The following CP variants were observed in gnomAD, a reference collection of about 807,000 sequenced individuals.
The protein encoded by CP is ceruloplasmin.
CP carries 64 observed loss-of-function variants against 122.4 expected under a neutral mutation model. The observed-to-expected ratio is 0.52, with a 90% CI of 0.43 to 0.64. CP has a LOEUF of 0.64. Among genes scored for constraint, CP ranks in the 30% least tolerant of loss-of-function variants. The pLI, the probability that CP is intolerant of heterozygous loss-of-function variation, is 0.00. For synonymous variants in CP, 440 were observed against 436.4 expected, an observed-to-expected ratio of 1.01 and a Z score of -0.10; for missense variants, 1,167 against 1,284.4, an observed-to-expected ratio of 0.91 and a Z score of 1.40.
chr3:149,199,562 GTTTA>G (rs1180446988), intron 8 of CP, 146 bp downstream of exon 8: 5 of 933,116 alleles, frequency 5.4e-6, no homozygotes, highest in South Asian at 1.4e-5. Flanking sequence ...AGGAGAAGGG[GTTTA>G]TTTGTTTCCT....
chr3:149,164,418 G>T (rs1399317660), intron 5 of CP, among the ~76,000 whole-genome samples: 1 of 152,172 alleles, frequency 6.6e-6, no homozygotes, highest in Non-Finnish European at 1.5e-5. Context: ...TCAGAAATGA[G>T]GGGGATGATT....
intron 8 of CP, among the ~76,000 whole-genome samples, chr3:149,198,839 G>A (rs538162559): frequency 1.3e-5 from 2 of 152,298 alleles, no homozygotes; most frequent in African/African-American, 4.8e-5. Context: ...CACCTTTCAT[G>A]TTGTATTGCG....
Position 149,213,414 on chromosome 3 carries a change from T to C in CP, c.147-716A>G, listed in dbSNP as rs1176705300. Among the ~76,000 whole-genome samples the C allele has an allele frequency of 2.0e-5, 3 of 152,218 alleles. No homozygotes were observed. The South Asian group carries it at 6.2e-4, about 32-fold the overall frequency. ...TTCTTTAAAATATCAGTGAGGTAAATAGCAATCTGGAAAAGAAAAGATGGA... is the reference window on the plus strand; with the variant it reads ...TTCTTTAAAATATCAGTGAGGTAAACAGCAATCTGGAAAAGAAAAGATGGA... On this transcript the variant is annotated intron_variant, in intron 1 of 18. Transcript: ENST00000264613.
At position 149,192,340 on chromosome 3, in the gene CP, T is replaced by C. The variant is rs554604829; in HGVS notation, c.1714-4138A>G. Among the ~76,000 whole-genome samples the C allele has an allele frequency of 1.8e-3, 269 of 152,174 alleles. 1 individual carries two copies. The highest frequency in any genetic ancestry group is 6.3e-3 in the African/African-American group (261 of 41,570). ...TATAATGCTCAGATAATCTAATAGT[T>C]GTTTAGAAAAGATAAAACTTAGAGC... is the stretch of plus-strand genomic sequence containing the variant. On this transcript the variant is annotated intron_variant, in intron 9 of 18. Transcript: ENST00000264613.
downstream of CP, chr3:149,172,040 A>AGATT (rs1020321309): frequency 1.9e-6 from 3 of 1,576,474 alleles, no homozygotes; most frequent in Non-Finnish European, 2.6e-6. Context: ...AAGTAAGAAG[A>AGATT]GATTGAATGA....
intron 9 of CP, among the ~76,000 whole-genome samples, chr3:149,196,737 T>TA (rs34239280): frequency 0.75 from 113,327 of 150,366 alleles, 44,243 homozygotes; most frequent in East Asian, 0.96. Context: ...TACTTAAAAG[T>TA]AAAAAAAAAT....
chr3:149,172,077 A>G, downstream of CP: 3 of 1,610,984 alleles, frequency 1.9e-6, no homozygotes, highest in Non-Finnish European at 1.7e-6. Flanking sequence ...TCTAATTCAG[A>G]TATTCTTTTC....
intron 2 of CP, among the ~76,000 whole-genome samples, chr3:149,212,060 G>A (rs1728135229): frequency 6.6e-6 from 1 of 152,106 alleles, no homozygotes; most frequent in Non-Finnish European, 1.5e-5. Context: ...TTGGGAGGCT[G>A]AGGCGGGCAG....
At chr3:149,192,055 T>G (rs1726578915) in intron 9 of CP, among the ~76,000 whole-genome samples, 1 of 152,046 alleles carries the variant, frequency 6.6e-6, no homozygotes, top group Non-Finnish European at 1.5e-5. Flanking sequence ...ATATTAAAAT[T>G]GATCTAGAAT....
At chr3:149,201,142 G>C (rs1727281131) in intron 7 of CP, among the ~76,000 whole-genome samples, 1 of 150,650 alleles carries the variant, frequency 6.6e-6, no homozygotes, top group East Asian at 1.9e-4. Flanking sequence ...GATTGATTTT[G>C]AGACGGAGTC....
intron 1 of CP, among the ~76,000 whole-genome samples, chr3:149,214,532 G>T (rs1374464036): frequency 6.6e-6 from 1 of 152,130 alleles, no homozygotes; most frequent in Non-Finnish European, 1.5e-5. Context: ...CCTGGTGGGA[G>T]GGCTAAGCTA....
chr3:149,204,469 G>C (rs1293828965), intron 6 of CP, among the ~76,000 whole-genome samples: 1 of 152,152 alleles, frequency 6.6e-6, no homozygotes, highest in Non-Finnish European at 1.5e-5. Context: ...ATCCATGTGG[G>C]GGTGTCACTA....
At chr3:149,189,406 TA>T (rs1463768511) in intron 9 of CP, among the ~76,000 whole-genome samples, 3 of 151,550 alleles carry the variant, frequency 2.0e-5, no homozygotes, top group African/African-American at 7.3e-5. Flanking sequence ...CAAAAAAAAT[TA>T]GCCGGGTGTG....
intron 4 of CP, among the ~76,000 whole-genome samples, chr3:149,207,939 A>G (rs1727856163): frequency 6.6e-6 from 1 of 152,228 alleles, no homozygotes; most frequent in Non-Finnish European, 1.5e-5. Context: ...ATATACATAC[A>G]TATAAACAAA....
chr3:149,183,444 T>C (rs1351616141), intron 13 of CP, 22 bp downstream of exon 13: 1 of 1,610,016 alleles, frequency 6.2e-7, no homozygotes, highest in Admixed American at 1.7e-5. Context: ...CCACACCTGA[T>C]AAACTGGAGA....
Position 149,190,899 on chromosome 3 carries a change from A to T in CP, c.1714-2697T>A, listed in dbSNP as rs77824423. Among the ~76,000 whole-genome samples the T allele has an allele frequency of 1.2e-3, 185 of 152,302 alleles. 3 individuals carry two copies. The East Asian group carries it at 0.029, about 24-fold the overall frequency. ...TTATAAGCTTAAATGAGAAATTCTA[A>T]ATCAAACACAGTCAAATTCAGCCCA... On this transcript the variant is annotated intron_variant, in intron 9 of 18. Transcript: ENST00000264613.
chr3:149,163,539 A>T (rs1724101064), intron 5 of CP, among the ~76,000 whole-genome samples: 1 of 152,234 alleles, frequency 6.6e-6, no homozygotes, highest in Admixed American at 6.5e-5. Flanking sequence ...ATTAATAAAA[A>T]TTATTTCCAA....
At position 149,198,590 on chromosome 3, in the gene CP, G is replaced by A; in HGVS notation, c.1502-12C>T. On this transcript the variant is annotated splice_polypyrimidine_tract_variant and intron_variant, in intron 8 of 18. Coordinates refer to ENST00000264613, the MANE Select transcript of CP (RefSeq NM_000096.4). ...TGAAGGAGGCACACCTGTGAGAAAG[G>A]TCACATTAGAGAGGTGAAGTGTGCT... 1 of 1,611,058 alleles carries A rather than the reference G, an allele frequency of 6.2e-7. No homozygotes were observed. Among genetic ancestry groups the A allele is most frequent in the Non-Finnish European group, 8.5e-7 (1 of 1,177,634 alleles).
intron 5 of CP, among the ~76,000 whole-genome samples, chr3:149,165,462 A>G (rs1326150116): frequency 6.7e-6 from 1 of 149,452 alleles, no homozygotes; most frequent in Non-Finnish European, 1.5e-5. Flanking sequence ...AAGGAGAAAC[A>G]TAGTCTGCCT....
Sources: allele counts gnomAD v4.1 joint callset (sites outside exome capture counted in the v4.1 genomes callset), GRCh38; gene constraint gnomAD v4.1.1; transcripts MANE v1.5; gene names NCBI Gene and HGNC (gene_info 2026-07-23, HGNC 2026-07-21).